Variants in SLC71A2 observed in about 807,000 individuals in gnomAD.
SLC71A2 encodes the protein solute carrier family 71 member 2, also known as hippocampus abundant transcript-like 1.
the SLC71A2 span, among the ~76,000 whole-genome samples, chr9:94,447,851 C>T: frequency 6.6e-6 from 1 of 152,160 alleles, no homozygotes; most frequent in Non-Finnish European, 1.5e-5. Context: ...CACCACCAAC[C>T]CCTGGCAACC....
At chr9:94,443,976 A>G in the SLC71A2 span, among the ~76,000 whole-genome samples, 40 of 152,282 alleles carry the variant, frequency 2.6e-4, no homozygotes, top group African/African-American at 8.4e-4. Flanking sequence ...AAAATACTTG[A>G]GTTTTAGCTT....
chr9:94,375,219 AAC>A, the SLC71A2 span, among the ~76,000 whole-genome samples: 3 of 152,078 alleles, frequency 2.0e-5, no homozygotes, highest in South Asian at 6.2e-4. Context: ...AACAGTTGAT[AAC>A]AGTTTTCCTG....
chr9:94,458,658 A>G, the SLC71A2 span, among the ~76,000 whole-genome samples: 1 of 133,618 alleles, frequency 7.5e-6, no homozygotes, highest in African/African-American at 2.7e-5. Context: ...TGTAAAAGAT[A>G]TGTCTTAACT....
chr9:94,447,228 G>A, the SLC71A2 span, among the ~76,000 whole-genome samples: 1 of 150,004 alleles, frequency 6.7e-6, no homozygotes, highest in African/African-American at 2.5e-5. Context: ...CCACCAGGCT[G>A]GAGTGCAATG....
chr9:94,451,426 T>C, the SLC71A2 span: 1 of 1,138,090 alleles, frequency 8.8e-7, no homozygotes, highest in Non-Finnish European at 1.3e-6. Flanking sequence ...ATATCTATAT[T>C]ACTAAAGTGT....
At chr9:94,451,500 G>C in the SLC71A2 span, 19 of 1,573,344 alleles carry the variant, frequency 1.2e-5, no homozygotes, top group Non-Finnish European at 1.6e-5. Flanking sequence ...TCATAGCTAT[G>C]GTAGGAATTC....
At chr9:94,442,590 C>G in the SLC71A2 span, among the ~76,000 whole-genome samples, 2 of 152,134 alleles carry the variant, frequency 1.3e-5, no homozygotes, top group Non-Finnish European at 2.9e-5. Context: ...GTGGCTCACG[C>G]CTGTAATCTC....
At chr9:94,403,200 GA>G in the SLC71A2 span, among the ~76,000 whole-genome samples, 1 of 152,016 alleles carries the variant, frequency 6.6e-6, no homozygotes, top group Non-Finnish European at 1.5e-5. Context: ...GCAATGGCGC[GA>G]TCTCGGCTCA....
chr9:94,418,758 T>A, the SLC71A2 span, among the ~76,000 whole-genome samples: 4 of 72,118 alleles, frequency 5.5e-5, no homozygotes. Context: ...CCTTTAATTC[T>A]TTTTTTTTTT....
chr9:94,423,240 G>A, the SLC71A2 span, among the ~76,000 whole-genome samples: 1 of 150,214 alleles, frequency 6.7e-6, no homozygotes, highest in Non-Finnish European at 1.5e-5. Flanking sequence ...CCCAGCCTGG[G>A]ATTGCCTTTC....
At chr9:94,450,176 A>G in the SLC71A2 span, among the ~76,000 whole-genome samples, 963 of 152,330 alleles carry the variant, frequency 6.3e-3, 13 homozygotes, top group African/African-American at 0.022. Flanking sequence ...TGACCTACAC[A>G]CTTAAATGGG....
the SLC71A2 span, among the ~76,000 whole-genome samples, chr9:94,390,598 T>C: frequency 3.3e-5 from 5 of 152,290 alleles, no homozygotes; most frequent in African/African-American, 1.2e-4. Context: ...CCCAGTATGA[T>C]ATGCGTGCCT....
chr9:94,419,459 C>CT, the SLC71A2 span, among the ~76,000 whole-genome samples: 872 of 150,308 alleles, frequency 5.8e-3, 11 homozygotes, highest in African/African-American at 0.02. Context: ...ATGCCTGGCT[C>CT]TTTTTTTTTG....
At chr9:94,439,159 CTA>C in the SLC71A2 span, among the ~76,000 whole-genome samples, 1 of 151,064 alleles carries the variant, frequency 6.6e-6, no homozygotes, top group South Asian at 2.1e-4. Flanking sequence ...GTAGCTGGGA[CTA>C]CAGACGCCCG....
chr9:94,390,064 A>G, the SLC71A2 span, among the ~76,000 whole-genome samples: 24 of 152,264 alleles, frequency 1.6e-4, no homozygotes, highest in South Asian at 3.9e-3. Flanking sequence ...AATACAAAAA[A>G]TTAGCCGGGC....
the SLC71A2 span, among the ~76,000 whole-genome samples, chr9:94,405,020 GGTTT>G: frequency 6.6e-6 from 1 of 152,024 alleles, no homozygotes; most frequent in Non-Finnish European, 1.5e-5. Flanking sequence ...TTTTATATAT[GGTTT>G]AGGGTAGCGA....
At chr9:94,406,034 A>G in the SLC71A2 span, among the ~76,000 whole-genome samples, 1 of 134,858 alleles carries the variant, frequency 7.4e-6, no homozygotes, top group South Asian at 2.4e-4. Context: ...ATTCCTAAGT[A>G]TCTTATTCTT....
At chr9:94,383,763 A>T in the SLC71A2 span, among the ~76,000 whole-genome samples, 1 of 152,016 alleles carries the variant, frequency 6.6e-6, no homozygotes, top group South Asian at 2.1e-4. Context: ...AAGTCTTCTG[A>T]TGCATGAATG....
chr9:94,454,627 G>A, the SLC71A2 span, among the ~76,000 whole-genome samples: 2 of 152,060 alleles, frequency 1.3e-5, no homozygotes, highest in African/African-American at 2.4e-5. Context: ...GCCTCCCAAA[G>A]TGCTGGGATT....
Sources: gnomAD v4.1 joint callset for allele counts (sites outside exome capture counted in the v4.1 genomes callset) on GRCh38, gnomAD v4.1.1 for gene constraint, MANE v1.5 for transcripts, NCBI Gene and HGNC (gene_info 2026-07-23, HGNC 2026-07-21) for gene names.